The following BTRC variants were observed in gnomAD, a reference collection of about 807,000 sequenced individuals.
BTRC encodes F-box/WD repeat-containing protein 1A.
In BTRC, 42 loss-of-function variants were observed where a neutral mutation model predicts 85.5. That is an observed-to-expected ratio of 0.49 (90% CI 0.38 to 0.64). The LOEUF (loss-of-function observed/expected upper bound fraction) is 0.64, where lower values mean the gene tolerates loss of function less well. Among genes scored for constraint, BTRC ranks in the 30% least tolerant of loss-of-function variants. The pLI is 0.00. For synonymous variants in BTRC, 255 were observed against 263.3 expected, an observed-to-expected ratio of 0.97 and a Z score of 0.30; for missense variants, 594 against 743.5, an observed-to-expected ratio of 0.80 and a Z score of 2.34.
At chr10:101,434,461 C>T (rs569005008) in intron 2 of BTRC, among the ~76,000 whole-genome samples, 6 of 152,082 alleles carry the variant, frequency 3.9e-5, no homozygotes, top group Non-Finnish European at 8.8e-5. Flanking sequence ...AGACCTAAAT[C>T]GGAGTTAACA....
intron 1 of BTRC, 90 bp from the exon 2 acceptor site, chr10:101,430,255 A>G: frequency 1.4e-6 from 1 of 733,640 alleles, no homozygotes. Flanking sequence ...TGCAACTGGA[A>G]TATTGCGTTC....
chr10:101,435,599 A>T (rs1261470973), intron 2 of BTRC, among the ~76,000 whole-genome samples: 2 of 152,134 alleles, frequency 1.3e-5, no homozygotes, highest in Non-Finnish European at 2.9e-5. Context: ...TCATTTATTG[A>T]TAGGTATTTG....
intron 4 of BTRC, among the ~76,000 whole-genome samples, chr10:101,491,288 G>A (rs1946126743): frequency 6.6e-6 from 1 of 152,178 alleles, no homozygotes; most frequent in African/African-American, 2.4e-5. Flanking sequence ...TTGGAATACA[G>A]ATTTTATCCT....
intron 4 of BTRC, among the ~76,000 whole-genome samples, chr10:101,517,435 AG>A (rs1215863176): frequency 6.6e-6 from 1 of 152,202 alleles, no homozygotes; most frequent in Non-Finnish European, 1.5e-5. Flanking sequence ...TAAAAATAAA[AG>A]TAAATAAATA....
intron 13 of BTRC, among the ~76,000 whole-genome samples, chr10:101,549,866 T>C (rs1014396977): frequency 4.6e-5 from 7 of 152,058 alleles, no homozygotes; most frequent in African/African-American, 1.7e-4. Context: ...TAGAACAGGC[T>C]CATACTCACT....
At chr10:101,444,581 CA>C (rs2134121244) in intron 2 of BTRC, among the ~76,000 whole-genome samples, 1 of 152,218 alleles carries the variant, frequency 6.6e-6, no homozygotes, top group South Asian at 2.1e-4. Context: ...CAGCTACCCT[CA>C]GGGGAACAGC....
chr10:101,469,222 AGGAAAATATTGAAT>A (rs1227964240), intron 3 of BTRC, among the ~76,000 whole-genome samples: 4 of 152,248 alleles, frequency 2.6e-5, no homozygotes, highest in Non-Finnish European at 5.9e-5. Flanking sequence ...AGAGTCTTAC[AGGAAAATATTGAAT>A]GGAAAATATT....
intron 4 of BTRC, among the ~76,000 whole-genome samples, chr10:101,499,994 G>T (rs1292921573): frequency 6.6e-6 from 1 of 151,434 alleles, no homozygotes; most frequent in Admixed American, 6.6e-5. Flanking sequence ...AACTGGCAAA[G>T]AACAGTGGCC....
At chr10:101,455,983 A>AACACACACACACACACACACACAAAC (rs1945067445) in intron 2 of BTRC, among the ~76,000 whole-genome samples, 2 of 96,000 alleles carry the variant, frequency 2.1e-5, no homozygotes, top group South Asian at 7.3e-4. Context: ...CTCTACTAAA[A>AACACACACACACACACACACACAAAC]ACACACACAC....
At chr10:101,521,598 A>G (rs949886461) in intron 4 of BTRC, 41 bp from the exon 5 acceptor site, 1 of 1,412,150 alleles carries the variant, frequency 7.1e-7, no homozygotes, top group Non-Finnish European at 9.9e-7. Context: ...CCTCATTTTC[A>G]ATACTAATCA....
chr10:101,409,593 A>G (rs1180264103), intron 1 of BTRC, among the ~76,000 whole-genome samples: 1 of 152,204 alleles, frequency 6.6e-6, no homozygotes, highest in Non-Finnish European at 1.5e-5. Context: ...TGTTGCTCCC[A>G]GGCTACCTGG....
Position 101,467,195 on chromosome 10 carries a change from T to TAA in BTRC, c.234+5150_234+5151dup, listed in dbSNP as rs35514260. Among the ~76,000 whole-genome samples, 464 of 146,934 alleles carry TAA rather than the reference T, an allele frequency of 3.2e-3. 3 individuals are homozygous for TAA. Among genetic ancestry groups the TAA allele is most frequent in the South Asian group, 5.2e-3 (24 of 4,642 alleles). On this transcript the variant is annotated intron_variant, in intron 3 of 14. Transcript: ENST00000370187. The stretch of plus-strand genomic sequence containing the variant: ...TTCAAGAGAGCTCCTTTTCTTCCTT[T>TAA]AAAAAAAAAAAAAACACAGAATTTG...
rs763883729 is a variant in BTRC at position 101,433,262 on chromosome 10, A to G, written c.156+2810A>G. 2.0e-5 allele frequency among the ~76,000 whole-genome samples: 3 copies of G among 152,270 alleles called. No homozygotes were observed. In the South Asian group the frequency reaches 6.2e-4, roughly 32 times the overall value. On this transcript the variant is annotated intron_variant, in intron 2 of 14. Coordinates refer to ENST00000370187, the MANE Select transcript of BTRC (RefSeq NM_033637.4). Reference sequence around the variant, plus strand: ...TTACATACATATATAGATGTTTATTATATTTCTATTTTGTGAAATGATTGA... The same window carrying G: ...TTACATACATATATAGATGTTTATTGTATTTCTATTTTGTGAAATGATTGA...
intron 1 of BTRC, among the ~76,000 whole-genome samples, chr10:101,358,270 T>G (rs1206184613): frequency 6.6e-6 from 1 of 151,824 alleles, no homozygotes; most frequent in Non-Finnish European, 1.5e-5. Flanking sequence ...ATTTTTTTTT[T>G]CTTTTTTGTT....
chr10:101,534,662 G>A lies in BTRC; in HGVS notation c.1099G>A (p.Val367Met). 1 of 1,614,148 alleles carries A rather than the reference G, an allele frequency of 6.2e-7. No individual in the cohort carries two copies. The highest frequency in any genetic ancestry group is 8.5e-7 in the Non-Finnish European group (1 of 1,180,022). The change falls in exon 10 of 15, where the codon GTG (valine) becomes ATG (methionine). Residue 367 changes from valine to methionine, a missense_variant and splice_region_variant. Transcript: ENST00000370187. Reference protein sequence around the residue: ...ITGSSDSTVRVWDVNTGEMLN... With the variant: ...ITGSSDSTVRMWDVNTGEMLN... ...CTAAATCTCATCTATCACTTCCAGA[G>A]TGTGGGATGTAAATACAGGTGAAAT...
intron 1 of BTRC, among the ~76,000 whole-genome samples, chr10:101,417,474 A>G (rs1943977742): frequency 6.6e-6 from 1 of 152,204 alleles, no homozygotes; most frequent in South Asian, 2.1e-4. Flanking sequence ...TTTTTATTGA[A>G]TAGTATCAGG....
chr10:101,374,208 A>G (rs1296670929), intron 1 of BTRC, among the ~76,000 whole-genome samples: 1 of 151,966 alleles, frequency 6.6e-6, no homozygotes, highest in Non-Finnish European at 1.5e-5. Flanking sequence ...ATTTCTCCAC[A>G]TCCTCTCCAG....
intron 1 of BTRC, among the ~76,000 whole-genome samples, chr10:101,367,801 T>G (rs1439180099): frequency 6.6e-6 from 1 of 152,200 alleles, no homozygotes; most frequent in Non-Finnish European, 1.5e-5. Context: ...TTCTTGTTAA[T>G]GTATTCCACT....
rs1031684627 is a variant in BTRC, at chr10:101,385,122, A to G, written c.48+30894A>G. The stretch of plus-strand genomic sequence containing the variant: ...GTGGTGCACACCTGTAGTCCCAGCT[A>G]CTTGCTTTGAGGCTGCAGTGGGCTA... On this transcript the variant is annotated intron_variant, in intron 1 of 14. Transcript: ENST00000370187. 2.6e-5 allele frequency among the ~76,000 whole-genome samples: 4 copies of G among 151,990 alleles called. No homozygotes were observed. In the East Asian group the frequency reaches 5.8e-4, roughly 22 times the overall value.
Sources: gnomAD v4.1 joint callset for allele counts (sites outside exome capture counted in the v4.1 genomes callset) on GRCh38, gnomAD v4.1.1 for gene constraint, MANE v1.5 for transcripts, NCBI Gene and HGNC (gene_info 2026-07-23, HGNC 2026-07-21) for gene names.